The following DNMT3A variants were observed in gnomAD, a reference collection of about 807,000 sequenced individuals.
The protein encoded by DNMT3A is DNA methyltransferase 3 alpha.
A neutral mutation model predicts 117.6 loss-of-function variants in DNMT3A; 267 were observed. That is an observed-to-expected ratio of 2.27 (90% CI 2.05 to 2.51). The LOEUF (loss-of-function observed/expected upper bound fraction) is 2.51. DNMT3A is among the 30% of genes most tolerant of loss of function. The pLI, the probability that DNMT3A is intolerant of heterozygous loss-of-function variation, is 0.00. For synonymous variants in DNMT3A, 432 were observed against 474.8 expected, an observed-to-expected ratio of 0.91 and a Z score of 1.17; for missense variants, 1,029 against 1,260.2, an observed-to-expected ratio of 0.82 and a Z score of 2.78.
chr2:25,278,205 C>T (rs907963110), intron 4 of DNMT3A, among the ~76,000 whole-genome samples: 1 of 152,198 alleles, frequency 6.6e-6, no homozygotes, highest in African/African-American at 2.4e-5. Flanking sequence ...CCAGTGTGGC[C>T]CTGACAGGCC....
At chr2:25,316,604 C>T (rs185112862) in intron 1 of DNMT3A, among the ~76,000 whole-genome samples, 26 of 152,320 alleles carry the variant, frequency 1.7e-4, no homozygotes, top group Non-Finnish European at 7.4e-5. Flanking sequence ...TGCCCACCTA[C>T]CCGTAGACGC....
At chr2:25,308,045 C>T (rs181762318) in intron 2 of DNMT3A, among the ~76,000 whole-genome samples, 18 of 152,300 alleles carry the variant, frequency 1.2e-4, no homozygotes, top group African/African-American at 4.1e-4. Flanking sequence ...ATTCCCTTCA[C>T]GTGCTAGGCT....
At chr2:25,278,042 C>CACACACACACACAAACAAACAG (rs150400657) in intron 4 of DNMT3A, among the ~76,000 whole-genome samples, 1 of 146,294 alleles carries the variant, frequency 6.8e-6, no homozygotes, top group Non-Finnish European at 1.5e-5. Context: ...CACACACAGA[C>CACACACACACACAAACAAACAG]ACACACGCTT....
chr2:25,246,506 C>T, intron 10 of DNMT3A, 114 bp downstream of exon 10: 1 of 1,485,802 alleles, frequency 6.7e-7, no homozygotes, highest in Non-Finnish European at 9.0e-7. Context: ...CGGCTGTTCC[C>T]ACTGGGCCCC....
chr2:25,322,989 G>A (rs2034652975), intron 1 of DNMT3A, among the ~76,000 whole-genome samples: 1 of 151,580 alleles, frequency 6.6e-6, no homozygotes, highest in Non-Finnish European at 1.5e-5. Context: ...TTTTCCTCTA[G>A]TGGACTCTGG....
chr2:25,266,166 C>G (rs931400136), intron 6 of DNMT3A, among the ~76,000 whole-genome samples: 2 of 152,332 alleles, frequency 1.3e-5, no homozygotes, highest in Non-Finnish European at 2.9e-5. Flanking sequence ...GGCCAGCCCT[C>G]GAAGTCACTA....
intron 22 of DNMT3A, among the ~76,000 whole-genome samples, chr2:25,235,345 C>T (rs1399077703): frequency 6.6e-6 from 1 of 152,104 alleles, no homozygotes; most frequent in African/African-American, 2.4e-5. Flanking sequence ...CCACCACACC[C>T]AGCTAATTTT....
intron 6 of DNMT3A, among the ~76,000 whole-genome samples, chr2:25,274,636 A>G (rs1319706984): frequency 6.6e-6 from 1 of 152,190 alleles, no homozygotes; most frequent in Non-Finnish European, 1.5e-5. Context: ...CCCCAACTAA[A>G]GCAGGCCTCT....
At chr2:25,244,506 C>T in intron 14 of DNMT3A, 34 bp downstream of exon 14, 1 of 1,610,378 alleles carries the variant, frequency 6.2e-7, no homozygotes, top group Admixed American at 1.7e-5. Flanking sequence ...TGGGGCCCAG[C>T]TAAGGAGACC....
chr2:25,287,417 G>A (rs2032393159), intron 3 of DNMT3A, among the ~76,000 whole-genome samples: 1 of 152,024 alleles, frequency 6.6e-6, no homozygotes, highest in Non-Finnish European at 1.5e-5. Flanking sequence ...CCCCCACCCG[G>A]TATACCACAC....
At chr2:25,273,260 GC>G (rs1448956454) in intron 6 of DNMT3A, among the ~76,000 whole-genome samples, 2 of 152,112 alleles carry the variant, frequency 1.3e-5, no homozygotes, top group Non-Finnish European at 2.9e-5. Flanking sequence ...ACAGGCATGA[GC>G]CACCACGCCT....
At chr2:25,245,881 G>C in intron 12 of DNMT3A, 139 bp downstream of exon 12, 1 of 1,117,326 alleles carries the variant, frequency 8.9e-7, no homozygotes, top group Non-Finnish European at 1.3e-6. Context: ...AAGACAGACA[G>C]TGCACGAAGC....
rs757335065 is a variant in DNMT3A, at chr2:25,247,481, C to T, written c.1014+110G>A. The T allele has an allele frequency of 1.3e-6, 2 of 1,488,046 alleles. No homozygotes were observed. Among genetic ancestry groups the T allele is most frequent in the Admixed American group, 3.9e-5 (2 of 51,228 alleles). 92.2% of individuals were successfully genotyped at this position (1,488,046 alleles called of 1,614,324 possible). ...CCACCACAGGCAGAGTAGGGGTGAG[C>T]AGAACCCACTTCCATCACCCCAATT... On this transcript the variant is annotated intron_variant, in intron 8 of 22. Transcript: ENST00000321117. This position sits in a 1 kb window ranked among gnomAD's most constrained non-coding sequence, Gnocchi z 5.6.
intron 3 of DNMT3A, among the ~76,000 whole-genome samples, chr2:25,290,611 C>T (rs1243274286): frequency 6.6e-6 from 1 of 152,150 alleles, no homozygotes; most frequent in Admixed American, 6.5e-5. Flanking sequence ...CGTGAGCCAC[C>T]ACGCCCGGCC....
chr2:25,300,711 TAATATATATATATATATA>T (rs2033414544), intron 2 of DNMT3A, among the ~76,000 whole-genome samples: 2 of 42,048 alleles, frequency 4.8e-5, no homozygotes, highest in East Asian at 1.0e-3. Flanking sequence ...CTAAATAATA[TAATATATATATATATATA>T]TATATATATA....
intron 20 of DNMT3A, among the ~76,000 whole-genome samples, chr2:25,238,709 T>G (rs1407118917): frequency 6.6e-6 from 1 of 152,202 alleles, no homozygotes; most frequent in Admixed American, 6.5e-5. Context: ...TGAACTTGCA[T>G]GCAGCCGCTG....
intron 3 of DNMT3A, among the ~76,000 whole-genome samples, chr2:25,287,404 C>T (rs866970570): frequency 6.6e-6 from 1 of 152,144 alleles, no homozygotes; most frequent in African/African-American, 2.4e-5. Flanking sequence ...CACTGTCCAC[C>T]TACCCCCACC....
intron 6 of DNMT3A, among the ~76,000 whole-genome samples, chr2:25,273,929 C>T (rs536021436): frequency 1.4e-4 from 22 of 152,226 alleles, no homozygotes; most frequent in Non-Finnish European, 2.1e-4. Context: ...CCAGAAATGT[C>T]GGGGTTTTCA....
chr2:25,292,927 G>A (rs2149395647), intron 3 of DNMT3A, among the ~76,000 whole-genome samples: 1 of 152,116 alleles, frequency 6.6e-6, no homozygotes, highest in East Asian at 1.9e-4. Context: ...AGGCCACCAA[G>A]GCCAGGACCT....
Sources: gnomAD v4.1 joint callset for allele counts (sites outside exome capture counted in the v4.1 genomes callset) on GRCh38, gnomAD v4.1.1 for gene constraint, Gnocchi (gnomAD v3.1) non-coding constraint, MANE v1.5 for transcripts, NCBI Gene and HGNC (gene_info 2026-07-23, HGNC 2026-07-21) for gene names.